KCNN2: variants seen among roughly 807,000 people sequenced by gnomAD.
The protein encoded by KCNN2 is small conductance calcium-activated potassium channel protein 2.
A neutral mutation model predicts 55.5 loss-of-function variants in KCNN2; 24 were observed. The observed-to-expected ratio is 0.43, with a 90% CI of 0.31 to 0.61. The LOEUF (loss-of-function observed/expected upper bound fraction) is 0.61, where lower values mean the gene tolerates loss of function less well. KCNN2 is among the 20% of genes least tolerant of loss of function. The probability of loss-of-function intolerance (pLI) is 0.08; values close to 1 mark genes in which losing one functional copy is unlikely to be tolerated. For missense variants in KCNN2, 754 were observed against 853.6 expected (o/e 0.88, Z 1.45); for synonymous variants, 431 against 336.1 (o/e 1.28, Z -3.09).
At chr5:114,076,896 T>C (rs563373021) in intron 1 of KCNN2, among the ~76,000 whole-genome samples, 62 of 152,196 alleles carry the variant, frequency 4.1e-4, no homozygotes, top group African/African-American at 1.3e-3. Flanking sequence ...GGTTTCACCG[T>C]GTTAGCCAGG....
chr5:114,362,428 G>A lies in KCNN2; in HGVS notation c.289G>A (p.Gly97Ser), dbSNP rs1057461085. The A allele has an allele frequency of 8.7e-6, 3 of 342,944 alleles. No individual in the cohort carries two copies. The highest frequency in any genetic ancestry group is 6.1e-5 in the South Asian group (1 of 16,506). 21.2% of individuals were successfully genotyped at this position (342,944 alleles called of 1,614,324 possible). ...SLLLRTSSPG[G>S]AFRTRTSSPL... ...GCTGCTCCGCACCTCCTCGCCCGGC[G>A]GCGCCTTCCGGACCCGCACCTCCTC... Residue 97 changes from glycine (G) to serine (S), a missense_variant, in exon 1 of 8, where the codon GGC becomes AGC. By Grantham distance (56) the Gly-to-Ser change is moderately conservative (BLOSUM62 0). This residue lies in a region of KCNN2 where 381 missense variants were observed against 259.1 expected (regional missense o/e 1.47). Transcript: ENST00000673685.
chr5:114,059,178 G>A (rs1365019975), intron 1 of KCNN2, among the ~76,000 whole-genome samples: 1 of 152,138 alleles, frequency 6.6e-6, no homozygotes, highest in African/African-American at 2.4e-5. Context: ...AGATATAAGG[G>A]TTATTAAGGG....
chr5:114,463,244 A>G lies in KCNN2; in HGVS notation c.1779+54A>G, dbSNP rs57876273. The stretch of plus-strand genomic sequence containing the variant: ...TTATTTACGCTCAAGAAGGCACTTA[A>G]ACCACTCAGTCCACGTGCATAAGTA... On this transcript the variant is annotated intron_variant, in intron 4 of 7. Coordinates refer to ENST00000673685, the MANE Select transcript of KCNN2 (RefSeq NM_021614.4). 15,640 of 1,459,582 alleles carry G rather than the reference A, an allele frequency of 0.011. 1,344 individuals are homozygous for G. The African/African-American group carries it at 0.19, about 18-fold the overall frequency. The allele number at this position is 1,459,582 out of a possible 1,614,324, so 90.4% of individuals were successfully genotyped here.
At position 114,295,976 on chromosome 5, in the gene KCNN2, G is replaced by A. The variant is rs79479423; in HGVS notation, c.-184-64969G>A. On this transcript the variant is annotated intron_variant, in intron 2 of 10. Transcript: ENST00000512097. Reference sequence around the variant, plus strand: ...TGCCATGAAAATATCTATAATTTCCGCTGGTAATAGTCATAAGTACTACTA... The same window carrying A: ...TGCCATGAAAATATCTATAATTTCCACTGGTAATAGTCATAAGTACTACTA... Among the ~76,000 whole-genome samples the A allele has an allele frequency of 2.8e-3, 427 of 152,186 alleles. 4 individuals carry two copies. Among genetic ancestry groups the A allele is most frequent in the African/African-American group, 9.6e-3 (398 of 41,536 alleles).
intron 2 of KCNN2, among the ~76,000 whole-genome samples, chr5:114,319,237 A>G (rs912398952): frequency 1.3e-5 from 2 of 152,120 alleles, no homozygotes; most frequent in East Asian, 3.9e-4. Context: ...TTATCTGCAC[A>G]CTGAGGTTCT....
At chr5:114,142,484 C>G (rs992892037) in intron 1 of KCNN2, among the ~76,000 whole-genome samples, 7 of 152,046 alleles carry the variant, frequency 4.6e-5, no homozygotes. Context: ...CATCTCAGCC[C>G]AAAATCTCCT....
intron 1 of KCNN2, among the ~76,000 whole-genome samples, chr5:114,069,178 C>G (rs1485948356): frequency 6.6e-6 from 1 of 152,126 alleles, no homozygotes; most frequent in Non-Finnish European, 1.5e-5. Context: ...GTACAGTGTA[C>G]CTGGTGATGG....
chr5:114,430,601 A>G (rs894075394), intron 3 of KCNN2, among the ~76,000 whole-genome samples: 1 of 151,954 alleles, frequency 6.6e-6, no homozygotes, highest in Non-Finnish European at 1.5e-5. Flanking sequence ...TCTTGTCTTT[A>G]TTAGCTAGAA....
intron 2 of KCNN2, among the ~76,000 whole-genome samples, chr5:114,313,085 T>C (rs1756437211): frequency 6.6e-6 from 1 of 152,164 alleles, no homozygotes; most frequent in African/African-American, 2.4e-5. Context: ...TTTTTGTTCA[T>C]TTGGCTCCCA....
chr5:114,364,035 A>G, intron 2 of KCNN2, 34 bp downstream of exon 2: 1 of 1,499,942 alleles, frequency 6.7e-7, no homozygotes, highest in Non-Finnish European at 9.3e-7. Flanking sequence ...GAATGACCCA[A>G]AGCCCTACAG....
At chr5:114,428,647 C>T (rs921421334) in intron 3 of KCNN2, among the ~76,000 whole-genome samples, 3 of 152,018 alleles carry the variant, frequency 2.0e-5, no homozygotes, top group Non-Finnish European at 4.4e-5. Flanking sequence ...TTTAATTTCT[C>T]AAGAAATAAT....
chr5:114,322,614 T>C (rs1157116138), intron 2 of KCNN2, among the ~76,000 whole-genome samples: 4 of 145,126 alleles, frequency 2.8e-5, no homozygotes, highest in Admixed American at 2.7e-4. Flanking sequence ...CATACACACT[T>C]GATTCCAGGA....
intron 2 of KCNN2, among the ~76,000 whole-genome samples, chr5:114,290,360 G>T (rs1323442691): frequency 6.6e-6 from 1 of 151,872 alleles, no homozygotes; most frequent in Non-Finnish European, 1.5e-5. Context: ...ATTCATATAG[G>T]TTAGTATATA....
intron 6 of KCNN2, chr5:114,490,704 G>A (rs1386914997): frequency 2.5e-6 from 1 of 398,038 alleles, no homozygotes; most frequent in African/African-American, 2.1e-5. Context: ...TCGGAAGTAA[G>A]TTGTGTGAGC....
At chr5:114,224,886 G>A (rs1431355328) in intron 2 of KCNN2, among the ~76,000 whole-genome samples, 1 of 152,032 alleles carries the variant, frequency 6.6e-6, no homozygotes, top group Non-Finnish European at 1.5e-5. Context: ...TTTTTTGATG[G>A]GGTTGTTTTT....
At chr5:114,419,451 A>T (rs988125865) in intron 3 of KCNN2, among the ~76,000 whole-genome samples, 1 of 152,216 alleles carries the variant, frequency 6.6e-6, no homozygotes, top group African/African-American at 2.4e-5. Context: ...GCATTTAAAA[A>T]TTTTTACTTT....
rs569935687 is a variant in KCNN2 at position 114,093,637 on chromosome 5, G to A, written c.-271+37137G>A. 1.0e-3 allele frequency among the ~76,000 whole-genome samples: 156 copies of A among 152,250 alleles called. 1 individual carries two copies. The highest frequency in any genetic ancestry group is 3.6e-3 in the African/African-American group (151 of 41,534). ...GTCTCAGGAAACTTACATTCCTGGCGGAAGGTGAGGGGGAAACAAGGCACC... is the reference window on the plus strand; with the variant it reads ...GTCTCAGGAAACTTACATTCCTGGCAGAAGGTGAGGGGGAAACAAGGCACC... On this transcript the variant is annotated intron_variant, in intron 1 of 10. Transcript: ENST00000512097.
intron 1 of KCNN2, among the ~76,000 whole-genome samples, chr5:114,208,724 T>A (rs1753820232): frequency 1.3e-5 from 2 of 152,220 alleles, no homozygotes; most frequent in Admixed American, 1.3e-4. Context: ...ATCTTGTTTG[T>A]GTGTTCAAAA....
At chr5:114,226,622 G>T (rs900677751) in intron 2 of KCNN2, among the ~76,000 whole-genome samples, 5 of 152,062 alleles carry the variant, frequency 3.3e-5, no homozygotes, top group Admixed American at 2.0e-4. Flanking sequence ...AGAAATATTG[G>T]CTGGATGCAG....
Sources: gnomAD v4.1 joint callset for allele counts (sites outside exome capture counted in the v4.1 genomes callset) on GRCh38, gnomAD v4.1.1 for gene constraint, gnomAD v4.1.1 regional missense constraint, MANE v1.5 for transcripts, NCBI Gene and HGNC (gene_info 2026-07-23, HGNC 2026-07-21) for gene names.